Variants in PRKG1 observed in about 807,000 individuals in gnomAD.
PRKG1 encodes cGMP-dependent protein kinase 1.
PRKG1 carries 35 observed loss-of-function variants against 88.1 expected under a neutral mutation model. The ratio of observed to expected loss-of-function variants is 0.40; its 90% CI spans 0.30 to 0.53. The LOEUF (loss-of-function observed/expected upper bound fraction) is 0.53, where lower values mean the gene tolerates loss of function less well. PRKG1 is among the 20% of genes least tolerant of loss of function. The probability of loss-of-function intolerance (pLI) is 0.59; values close to 1 mark genes in which losing one functional copy is unlikely to be tolerated. For missense variants in PRKG1, 540 were observed against 839.8 expected (o/e 0.64, Z 4.41); for synonymous variants, 303 against 292.5 (o/e 1.04, Z -0.37).
intron 3 of PRKG1, among the ~76,000 whole-genome samples, chr10:51,482,595 A>C (rs1300855287): frequency 2.0e-5 from 3 of 152,140 alleles, no homozygotes; most frequent in Admixed American, 1.3e-4. Flanking sequence ...TACTGACTTA[A>C]TCCTATTATT....
chr10:51,780,948 G>T (rs900493728), intron 3 of PRKG1, among the ~76,000 whole-genome samples: 1 of 152,042 alleles, frequency 6.6e-6, no homozygotes, highest in African/African-American at 2.4e-5. Context: ...TGAAAGAAAT[G>T]TTTATCATCC....
At chr10:52,027,104 T>C (rs531897870) in intron 5 of PRKG1, among the ~76,000 whole-genome samples, 3 of 152,202 alleles carry the variant, frequency 2.0e-5, no homozygotes, top group Non-Finnish European at 4.4e-5. Context: ...ACTCAATCCA[T>C]GGGAACTGCA....
chr10:51,697,103 A>G (rs752820805), intron 3 of PRKG1: 1 of 152,254 alleles, frequency 6.6e-6, no homozygotes, highest in Middle Eastern at 3.2e-3. Context: ...TTCAGGTAAC[A>G]TAACTTTAGA....
In PRKG1 at chr10:52,221,097, A is replaced by C. The variant is rs879178801; in HGVS notation, c.1077-30473A>C. 3.3e-5 allele frequency among the ~76,000 whole-genome samples: 5 copies of C among 151,888 alleles called. No individual in the cohort carries two copies. The East Asian group carries it at 9.6e-4, about 29-fold the overall frequency. ...TGACTTTTTAAAAATAGCCATTCTG[A>C]CTGGTATGAGTATCTCATTGTGGTT... On this transcript the variant is annotated intron_variant, in intron 9 of 17. Coordinates refer to ENST00000373980, the MANE Select transcript of PRKG1 (RefSeq NM_006258.4).
chr10:51,171,671 G>A (rs921913187), intron 2 of PRKG1, among the ~76,000 whole-genome samples: 11 of 152,058 alleles, frequency 7.2e-5, no homozygotes, highest in African/African-American at 2.4e-4. Flanking sequence ...CAAAGGCAGC[G>A]ATCTGTCCAG....
At chr10:51,646,021 T>C (rs1839906977) in intron 3 of PRKG1, among the ~76,000 whole-genome samples, 1 of 152,162 alleles carries the variant, frequency 6.6e-6, no homozygotes, top group South Asian at 2.1e-4. Context: ...CAAAAAATCC[T>C]GTTGGGGTGG....
intron 5 of PRKG1, among the ~76,000 whole-genome samples, chr10:51,953,950 T>G (rs1843244267): frequency 1.3e-5 from 2 of 152,172 alleles, no homozygotes; most frequent in African/African-American, 4.8e-5. Flanking sequence ...CTGAGCAAAA[T>G]GAGGCATTTA....
chr10:51,589,822 G>A (rs558134911), intron 3 of PRKG1, among the ~76,000 whole-genome samples: 2 of 152,234 alleles, frequency 1.3e-5, no homozygotes, highest in African/African-American at 2.4e-5. Context: ...TTCACTCTAC[G>A]AAGATAAAAT....
chr10:51,045,159 T>G (rs1843471193), intron 1 of PRKG1, among the ~76,000 whole-genome samples: 1 of 152,150 alleles, frequency 6.6e-6, no homozygotes, highest in Non-Finnish European at 1.5e-5. Context: ...ACAGGAGCGA[T>G]CAAAAAGTCC....
intron 2 of PRKG1, among the ~76,000 whole-genome samples, chr10:51,395,922 A>G (rs1837564861): frequency 1.3e-5 from 2 of 152,126 alleles, no homozygotes; most frequent in Non-Finnish European, 1.5e-5. Context: ...CTACCAAGTT[A>G]CTCTGTGTTG....
At chr10:52,127,852 A>G (rs1361870380) in intron 7 of PRKG1, among the ~76,000 whole-genome samples, 1 of 152,176 alleles carries the variant, frequency 6.6e-6, no homozygotes, top group African/African-American at 2.4e-5. Flanking sequence ...GAAGAGCTTC[A>G]GGACTTAGTG....
intron 1 of PRKG1, among the ~76,000 whole-genome samples, chr10:51,112,209 G>A (rs994479401): frequency 1.3e-5 from 2 of 152,090 alleles, no homozygotes; most frequent in African/African-American, 4.8e-5. Context: ...GCACTAGCTA[G>A]CTTACATTTA....
chr10:51,658,025 G>T (rs908399668), intron 3 of PRKG1, among the ~76,000 whole-genome samples: 1 of 152,124 alleles, frequency 6.6e-6, no homozygotes, highest in Non-Finnish European at 1.5e-5. Flanking sequence ...CAAACACATT[G>T]ATAGAATCAA....
At chr10:52,108,835 T>C (rs974746488) in intron 7 of PRKG1, among the ~76,000 whole-genome samples, 2 of 148,728 alleles carry the variant, frequency 1.3e-5, no homozygotes, top group Non-Finnish European at 1.5e-5. Flanking sequence ...CTTTTTTTTT[T>C]TTTTTTTTTG....
chr10:51,698,656 C>T (rs1841374691), intron 3 of PRKG1: 1 of 1,614,076 alleles, frequency 6.2e-7, no homozygotes, highest in African/African-American at 1.3e-5. Flanking sequence ...GCTCTAAAGG[C>T]ACTGGGCCAA....
intron 2 of PRKG1, among the ~76,000 whole-genome samples, chr10:51,205,447 C>T (rs1165436739): frequency 6.6e-6 from 1 of 150,742 alleles, no homozygotes; most frequent in Non-Finnish European, 1.5e-5. Flanking sequence ...TGGGAATTTT[C>T]ATTTTCATCT....
chr10:51,286,234 G>T (rs1257956662), intron 2 of PRKG1, among the ~76,000 whole-genome samples: 1 of 152,172 alleles, frequency 6.6e-6, no homozygotes, highest in African/African-American at 2.4e-5. Flanking sequence ...GCCTCCCAAA[G>T]TGCTGGGATT....
At chr10:51,073,396 C>T (rs559325888), upstream of PRKG1, among the ~76,000 whole-genome samples, 20 of 152,228 alleles carry the variant, frequency 1.3e-4, no homozygotes, top group Admixed American at 5.2e-4. Context: ...TTCCTAACAG[C>T]TTGGTTGTGA....
At chr10:51,669,305 TG>T (rs1840498914) in intron 3 of PRKG1, among the ~76,000 whole-genome samples, 1 of 152,160 alleles carries the variant, frequency 6.6e-6, no homozygotes, top group Non-Finnish European at 1.5e-5. Flanking sequence ...TGTCTTCCTA[TG>T]GTGAAAAGGG....
Sources: gnomAD v4.1 joint callset for allele counts (sites outside exome capture counted in the v4.1 genomes callset) on GRCh38, gnomAD v4.1.1 for gene constraint, MANE v1.5 for transcripts, NCBI Gene and HGNC (gene_info 2026-07-23, HGNC 2026-07-21) for gene names.